STAB2: variants seen among roughly 807,000 people sequenced by gnomAD.
STAB2 encodes stabilin-2.
A neutral mutation model predicts 338.1 loss-of-function variants in STAB2; 288 were observed. That is an observed-to-expected ratio of 0.85 (90% CI 0.77 to 0.94). The LOEUF is 0.94. Among genes scored for constraint, STAB2 ranks in the 40% least tolerant of loss-of-function variants. STAB2 has a pLI of 0.00. For missense variants in STAB2, 3,141 were observed against 3,210.1 expected, an observed-to-expected ratio of 0.98 and a Z score of 0.52; for synonymous variants, 1,202 against 1,193.3, an observed-to-expected ratio of 1.01 and a Z score of -0.15.
chr12:103,686,025 C>T (rs1239628953), intron 27 of STAB2, among the ~76,000 whole-genome samples: 1 of 152,190 alleles, frequency 6.6e-6, no homozygotes, highest in East Asian at 1.9e-4. Flanking sequence ...TGTCCCTCTA[C>T]AACCATAAAC....
At chr12:103,589,255 T>G (rs1336865157) in intron 1 of STAB2, among the ~76,000 whole-genome samples, 1 of 152,182 alleles carries the variant, frequency 6.6e-6, no homozygotes, top group Non-Finnish European at 1.5e-5. Context: ...ACCAACCTAT[T>G]ATTAGGCCCG....
At chr12:103,634,408 CG>C (rs1383193006) in intron 6 of STAB2, among the ~76,000 whole-genome samples, 3 of 152,078 alleles carry the variant, frequency 2.0e-5, no homozygotes, top group Non-Finnish European at 4.4e-5. Context: ...AGGCAAGTAC[CG>C]TGTGAAAATC....
chr12:103,755,815 C>G, intron 63 of STAB2, 97 bp downstream of exon 63: 1 of 1,131,240 alleles, frequency 8.8e-7, no homozygotes, highest in South Asian at 1.3e-5. Context: ...GCCACAGTCA[C>G]AGTTAAGAGC....
chr12:103,684,871 C>T, intron 26 of STAB2, 118 bp from the exon 27 acceptor site: 1 of 857,782 alleles, frequency 1.2e-6, no homozygotes, highest in Non-Finnish European at 1.9e-6. Context: ...TTACTTCTAC[C>T]ATCTTTCAGC....
At chr12:103,724,708 A>G (rs929725111) in intron 44 of STAB2, among the ~76,000 whole-genome samples, 3 of 152,132 alleles carry the variant, frequency 2.0e-5, no homozygotes, top group Non-Finnish European at 4.4e-5. Flanking sequence ...GAAATTTCCA[A>G]TTTGGCAACT....
chr12:103,672,450 T>A (rs703641), intron 22 of STAB2, among the ~76,000 whole-genome samples: 24,928 of 152,174 alleles, frequency 0.16, 2,171 homozygotes, highest in East Asian at 0.21. Flanking sequence ...CACAGTCTCA[T>A]ACAGGGGTCT....
chr12:103,719,456 G>T (rs1174596537), intron 44 of STAB2, among the ~76,000 whole-genome samples: 1 of 152,196 alleles, frequency 6.6e-6, no homozygotes, highest in African/African-American at 2.4e-5. Context: ...CAGTTCTAGA[G>T]GACCAAATCC....
At chr12:103,716,777 G>A (rs1480959728) in intron 43 of STAB2, among the ~76,000 whole-genome samples, 3 of 152,216 alleles carry the variant, frequency 2.0e-5, no homozygotes, top group Admixed American at 6.5e-5. Flanking sequence ...AACTACATAT[G>A]AGGTAGGAGA....
intron 5 of STAB2, among the ~76,000 whole-genome samples, chr12:103,622,904 C>A (rs1957324545): frequency 6.6e-6 from 1 of 152,176 alleles, no homozygotes; most frequent in African/African-American, 2.4e-5. Flanking sequence ...AAACCGTGGG[C>A]CCCACCTAAT....
At chr12:103,595,904 G>A (rs1956868250) in intron 3 of STAB2, among the ~76,000 whole-genome samples, 1 of 152,112 alleles carries the variant, frequency 6.6e-6, no homozygotes, top group Non-Finnish European at 1.5e-5. Context: ...TGATTGGCAG[G>A]TCCTTTCTGC....
chr12:103,695,735 A>T lies in STAB2; in HGVS notation c.3475-2A>T. The T allele has an allele frequency of 6.2e-7, 1 of 1,614,224 alleles. No homozygotes were observed. The highest frequency in any genetic ancestry group is 8.5e-7 in the Non-Finnish European group (1 of 1,180,028). On this transcript the variant is annotated splice_acceptor_variant, in intron 32 of 68. Coordinates refer to ENST00000388887, the MANE Select transcript of STAB2 (RefSeq NM_017564.10). LOFTEE classifies it high-confidence loss of function. The stretch of plus-strand genomic sequence containing the variant: ...ATGCACTCTTGTCTCTTTCCATCGC[A>T]GCAATATAATCTGGCGAATGCAATT...
In STAB2 at chr12:103,692,842, G is replaced by C. The variant is rs140108777; in HGVS notation, c.3328G>C (p.Asp1110His). ...NITIEGASIV[D>H]GDNAATNGVI... is the part of the protein sequence containing the mutation. ...CACAATTGAAGGGGCCTCCATTGTC[G>C]ATGGGGACAACGCAGCCACAAATGG... Residue 1110 changes from aspartate to histidine, a missense_variant, in exon 31 of 69, where the codon GAT becomes CAT. Coordinates refer to ENST00000388887, the MANE Select transcript of STAB2 (RefSeq NM_017564.10). The C allele has an allele frequency of 1.9e-6, 3 of 1,613,666 alleles. No homozygotes were observed. The highest frequency in any genetic ancestry group is 3.3e-5 in the Admixed American group (2 of 59,986).
intron 50 of STAB2, among the ~76,000 whole-genome samples, chr12:103,732,444 C>T (rs2139082419): frequency 6.6e-6 from 1 of 152,278 alleles, no homozygotes; most frequent in African/African-American, 2.4e-5. Context: ...CTCCCTCTTC[C>T]CTGATACTCA....
At chr12:103,631,498 T>G in intron 5 of STAB2, 100 bp from the exon 6 acceptor site, 1 of 1,156,756 alleles carries the variant, frequency 8.6e-7, no homozygotes, top group Non-Finnish European at 1.3e-6. Flanking sequence ...TCAAACAACA[T>G]GCAGAGTCTC....
intron 17 of STAB2, among the ~76,000 whole-genome samples, chr12:103,661,738 C>T (rs540036503): frequency 5.3e-5 from 8 of 152,124 alleles, no homozygotes; most frequent in African/African-American, 1.7e-4. Flanking sequence ...TGTGAATATC[C>T]GGGGGACATT....
intron 34 of STAB2, 129 bp from the exon 35 acceptor site, chr12:103,703,019 A>T: frequency 1.9e-6 from 2 of 1,073,240 alleles, no homozygotes; most frequent in South Asian, 3.7e-5. Flanking sequence ...AATACAAGTG[A>T]CTATTATATC....
chr12:103,766,509 T>TACTGGGTGG lies in STAB2; in HGVS notation c.*173_*174insACTGGGTGG. On this transcript the variant is annotated 3_prime_UTR_variant, in exon 69 of 69. Coordinates refer to ENST00000388887, the MANE Select transcript of STAB2 (RefSeq NM_017564.10). ...TCTGTGGGTGAGAGATGTGTTGCTG[T>TACTGGGTGG]GCCCACCCAGTACAGCTTCCTCCTC... 1 of 696,168 alleles carries TACTGGGTGG rather than the reference T, an allele frequency of 1.4e-6. No individual in the cohort carries two copies. The highest frequency in any genetic ancestry group is 2.3e-6 in the Non-Finnish European group (1 of 425,800). 43.1% of individuals were successfully genotyped at this position (696,168 alleles called of 1,614,324 possible). A position where few individuals can be genotyped will look rare whatever the true frequency, so the allele number is the denominator to read the frequency against.
intron 25 of STAB2, among the ~76,000 whole-genome samples, chr12:103,679,486 G>A (rs1367051911): frequency 6.6e-6 from 1 of 152,158 alleles, no homozygotes; most frequent in Non-Finnish European, 1.5e-5. Context: ...CTTGAAAACT[G>A]GTGGGAGATA....
At chr12:103,686,469 T>G (rs1308697656) in intron 27 of STAB2, among the ~76,000 whole-genome samples, 1 of 152,190 alleles carries the variant, frequency 6.6e-6, no homozygotes, top group African/African-American at 2.4e-5. Context: ...GTCCTCAGCT[T>G]GGCTCTCCAG....
Sources: gnomAD v4.1 joint callset for allele counts (sites outside exome capture counted in the v4.1 genomes callset) on GRCh38, gnomAD v4.1.1 for gene constraint, MANE v1.5 for transcripts, NCBI Gene and HGNC (gene_info 2026-07-23, HGNC 2026-07-21) for gene names.